The following PCNX2 variants were observed in gnomAD, a reference collection of about 807,000 sequenced individuals.
PCNX2 encodes pecanex-like protein 2.
In PCNX2, 168 loss-of-function variants were observed where a neutral mutation model predicts 223.8. That is an observed-to-expected ratio of 0.75 (90% CI 0.66 to 0.85). PCNX2 has a LOEUF of 0.85. PCNX2 is among the 40% of genes least tolerant of loss of function. The pLI is 0.00. For synonymous variants in PCNX2, 1,006 were observed against 1,052.6 expected, an observed-to-expected ratio of 0.96 and a Z score of 0.86; for missense variants, 2,507 against 2,675.5, an observed-to-expected ratio of 0.94 and a Z score of 1.39.
At chr1:233,227,433 A>AAG (rs1018724047) in intron 9 of PCNX2, 62 bp from the exon 10 acceptor site, 1 of 1,300,720 alleles carries the variant, frequency 7.7e-7, no homozygotes, top group East Asian at 2.4e-5. Context: ...CATGGCCACA[A>AAG]ATATATATAT....
chr1:233,220,242 C>T (rs1257233355), intron 10 of PCNX2, among the ~76,000 whole-genome samples: 2 of 152,312 alleles, frequency 1.3e-5, no homozygotes, highest in East Asian at 1.9e-4. Flanking sequence ...CTGTTACAAA[C>T]ATTCATGTGC....
At position 233,148,488 on chromosome 1, in the gene PCNX2, A is replaced by C. The variant is rs927723890; in HGVS notation, c.3518-8633T>G. On this transcript the variant is annotated intron_variant, in intron 19 of 33. Transcript: ENST00000258229. The stretch of plus-strand genomic sequence containing the variant: ...CACTCTGTTGCCCAGGCTGGAGTCC[A>C]GTGGCGGGATCTTGGCTCACTGCAA... Among the ~76,000 whole-genome samples the C allele has an allele frequency of 2.7e-5, 4 of 149,796 alleles. No homozygotes were observed. The South Asian group carries it at 8.4e-4, about 31-fold the overall frequency.
intron 32 of PCNX2, among the ~76,000 whole-genome samples, chr1:232,987,826 T>C (rs1272145146): frequency 6.6e-6 from 1 of 152,164 alleles, no homozygotes; most frequent in African/African-American, 2.4e-5. Context: ...ACAGTGCCAG[T>C]TTGGATGCTG....
At chr1:233,078,252 T>C (rs1673189144) in intron 23 of PCNX2, among the ~76,000 whole-genome samples, 2 of 152,186 alleles carry the variant, frequency 1.3e-5, no homozygotes, top group Admixed American at 6.5e-5. Flanking sequence ...CCTGTGACAG[T>C]CACTTGGAGT....
At chr1:233,003,254 T>C (rs1458275419) in intron 28 of PCNX2, among the ~76,000 whole-genome samples, 13 of 152,160 alleles carry the variant, frequency 8.5e-5, no homozygotes, top group Admixed American at 6.6e-4. Flanking sequence ...GCAATCTGTC[T>C]ATCTGACAAA....
intron 9 of PCNX2, chr1:233,232,840 C>CA: frequency 1.0e-6 from 1 of 985,364 alleles, no homozygotes; most frequent in Non-Finnish European, 1.2e-6. Flanking sequence ...AGGACCAATG[C>CA]AATGCTTGAC....
Position 233,001,728 on chromosome 1 carries a change from T to C in PCNX2, c.4953-47A>G, listed in dbSNP as rs749051198. 4 of 1,447,682 alleles carry C rather than the reference T, an allele frequency of 2.8e-6. No individual in the cohort carries two copies. 89.7% of individuals were successfully genotyped at this position (1,447,682 alleles called of 1,614,324 possible). ...CTATGGAACAAATTTCAGAATCCTG[T>C]CATTGTGAGCAAAGTTTGAGTCTCC... On this transcript the variant is annotated intron_variant, in intron 28 of 33. Coordinates refer to ENST00000258229, the MANE Select transcript of PCNX2 (RefSeq NM_014801.4). This position sits in a 1 kb window ranked among gnomAD's most constrained non-coding sequence, Gnocchi z 4.2.
intron 13 of PCNX2, 45 bp downstream of exon 13, chr1:233,208,473 C>T (rs757953727): frequency 1.3e-6 from 2 of 1,554,786 alleles, no homozygotes; most frequent in Non-Finnish European, 8.8e-7. Context: ...GGGAGACATA[C>T]CCCCAACCCC....
intron 21 of PCNX2, among the ~76,000 whole-genome samples, chr1:233,130,529 G>C (rs2102756945): frequency 6.7e-6 from 1 of 149,254 alleles, no homozygotes; most frequent in Middle Eastern, 3.4e-3. Flanking sequence ...TTGTTGCCCA[G>C]GCTGGAGTGC....
intron 28 of PCNX2, among the ~76,000 whole-genome samples, chr1:233,012,457 C>T (rs1670502181): frequency 6.6e-6 from 1 of 151,788 alleles, no homozygotes. Flanking sequence ...GAAAGGAAAG[C>T]GTCTTGGAGG....
At chr1:233,141,632 C>T (rs1325677209) in intron 19 of PCNX2, among the ~76,000 whole-genome samples, 11 of 152,204 alleles carry the variant, frequency 7.2e-5, no homozygotes, top group East Asian at 3.9e-4. Flanking sequence ...GAGATTGTGC[C>T]GCTGCACTCC....
intron 25 of PCNX2, among the ~76,000 whole-genome samples, chr1:233,034,673 A>G (rs1671389923): frequency 6.6e-6 from 1 of 152,206 alleles, no homozygotes; most frequent in South Asian, 2.1e-4. Flanking sequence ...TTCTTGGGAA[A>G]GTTGGAAACC....
At chr1:233,236,159 T>C (rs1438283971) in intron 9 of PCNX2, among the ~76,000 whole-genome samples, 1 of 151,740 alleles carries the variant, frequency 6.6e-6, no homozygotes, top group Non-Finnish European at 1.5e-5. Flanking sequence ...CTAACCGAAG[T>C]ATTTCTTCTT....
chr1:233,158,894 T>C (rs1268993374), intron 19 of PCNX2, among the ~76,000 whole-genome samples: 1 of 152,250 alleles, frequency 6.6e-6, no homozygotes, highest in Non-Finnish European at 1.5e-5. Context: ...GGGTCCTCTA[T>C]GTATCCAGAA....
Position 233,025,417 on chromosome 1 carries a change from TGAAG to T in PCNX2, c.4352-22_4352-19del. The T allele has an allele frequency of 6.2e-7, 1 of 1,611,674 alleles. No homozygotes were observed. Among genetic ancestry groups the T allele is most frequent in the Non-Finnish European group, 8.5e-7 (1 of 1,178,228 alleles). On this transcript the variant is annotated intron_variant, in intron 25 of 33. Transcript: ENST00000258229. ...GTAGGTTCCTGGCCGAGCACAAACA[TGAAG>T]GAAGTTTGAAGAGAAGGCATGCTAG...
At chr1:233,112,778 GA>G (rs1675188477) in intron 21 of PCNX2, 10 of 1,186,030 alleles carry the variant, frequency 8.4e-6, no homozygotes, top group South Asian at 4.7e-5. Flanking sequence ...CAAAAATGAA[GA>G]AAAAAATTTT....
Position 233,262,946 on chromosome 1 carries a change from T to C in PCNX2, c.359+12A>G, listed in dbSNP as rs1660135533. 6.2e-7 allele frequency: 1 copy of C among 1,609,644 alleles called. No homozygotes were observed. Among genetic ancestry groups the C allele is most frequent in the African/African-American group, 1.3e-5 (1 of 74,802 alleles). ...TTACATTTTGAAGTGTCACATTAATTGAAAATATTACCTTGGATTTCTGTG... is the reference window on the plus strand; with the variant it reads ...TTACATTTTGAAGTGTCACATTAATCGAAAATATTACCTTGGATTTCTGTG... On this transcript the variant is annotated intron_variant, in intron 2 of 33. Coordinates refer to ENST00000258229, the MANE Select transcript of PCNX2 (RefSeq NM_014801.4).
At chr1:233,002,631 T>G (rs946893684) in intron 28 of PCNX2, among the ~76,000 whole-genome samples, 2 of 152,214 alleles carry the variant, frequency 1.3e-5, no homozygotes, top group African/African-American at 4.8e-5. Flanking sequence ...CCACTGACTT[T>G]CTTCACAGAA....
At position 233,000,558 on chromosome 1, in the gene PCNX2, TG is replaced by T; in HGVS notation, c.5098-24del. 6.4e-7 allele frequency: 1 copy of T among 1,553,534 alleles called. No homozygotes were observed. Among genetic ancestry groups the T allele is most frequent in the Non-Finnish European group, 8.7e-7 (1 of 1,154,120 alleles). On this transcript the variant is annotated intron_variant, in intron 29 of 33. Coordinates refer to ENST00000258229, the MANE Select transcript of PCNX2 (RefSeq NM_014801.4). This position sits in a 1 kb window ranked among gnomAD's most constrained non-coding sequence, Gnocchi z 4.6. ...GTCCTGGTGGGAAGAAGTGTGGGTG[TG>T]GGCTGGGCAAGGACCAGAGGAACTC... is the stretch of plus-strand genomic sequence containing the variant.
Sources: gnomAD v4.1 joint callset for allele counts (sites outside exome capture counted in the v4.1 genomes callset) on GRCh38, gnomAD v4.1.1 for gene constraint, Gnocchi (gnomAD v3.1) non-coding constraint, MANE v1.5 for transcripts, NCBI Gene and HGNC (gene_info 2026-07-23, HGNC 2026-07-21) for gene names.